Variants in EPAS1 observed in about 807,000 individuals in gnomAD.
EPAS1 encodes the protein endothelial PAS domain-containing protein 1.
EPAS1 carries 23 observed loss-of-function variants against 87.9 expected under a neutral mutation model. The observed-to-expected ratio is 0.26, with a 90% CI of 0.19 to 0.37. The LOEUF (loss-of-function observed/expected upper bound fraction) is 0.37. Ranked by LOEUF, EPAS1 falls within the 10% of genes least tolerant of loss-of-function variation. The probability of loss-of-function intolerance (pLI) is 1.00; values close to 1 mark genes in which losing one functional copy is unlikely to be tolerated. For missense variants in EPAS1, 1,138 were observed against 1,120.7 expected, an observed-to-expected ratio of 1.02 and a Z score of -0.22; for synonymous variants, 508 against 444.3, an observed-to-expected ratio of 1.14 and a Z score of -1.80.
At chr2:46,314,489 C>T (rs1403372245) in intron 1 of EPAS1, among the ~76,000 whole-genome samples, 1 of 152,210 alleles carries the variant, frequency 6.6e-6, no homozygotes, top group Non-Finnish European at 1.5e-5. Flanking sequence ...AGGAAAACGT[C>T]CTGTTTGTGT....
intron 6 of EPAS1, among the ~76,000 whole-genome samples, chr2:46,361,508 T>A (rs767731791): frequency 2.6e-5 from 4 of 152,186 alleles, no homozygotes; most frequent in Middle Eastern, 3.2e-3. Flanking sequence ...CCCTCTTCCA[T>A]TACTGACTGA....
chr2:46,368,092 G>A (rs1208095668), intron 6 of EPAS1, among the ~76,000 whole-genome samples: 2 of 152,198 alleles, frequency 1.3e-5, no homozygotes, highest in East Asian at 1.9e-4. Context: ...CTAAGCACCC[G>A]TTATAGAGGA....
chr2:46,306,121 T>C (rs1683105277), intron 1 of EPAS1, among the ~76,000 whole-genome samples: 1 of 152,218 alleles, frequency 6.6e-6, no homozygotes. Context: ...CATTAAAGTA[T>C]ATGATTATTT....
chr2:46,357,914 G>A (rs943011739), intron 4 of EPAS1, among the ~76,000 whole-genome samples: 2 of 152,240 alleles, frequency 1.3e-5, no homozygotes, highest in Middle Eastern at 6.3e-3. Flanking sequence ...ACATTGTTAA[G>A]AGGACTGAAG....
At chr2:46,303,522 A>G (rs934663190) in intron 1 of EPAS1, among the ~76,000 whole-genome samples, 9 of 152,208 alleles carry the variant, frequency 5.9e-5, no homozygotes, top group Admixed American at 5.2e-4. Context: ...GGCTCCACAG[A>G]CAACAGGGGT....
At chr2:46,317,751 G>C (rs1181721336) in intron 1 of EPAS1, among the ~76,000 whole-genome samples, 2 of 152,214 alleles carry the variant, frequency 1.3e-5, no homozygotes, top group Non-Finnish European at 2.9e-5. Context: ...AATCTGTTTA[G>C]TGTAGCCACC....
At chr2:46,331,320 A>G (rs1043374353) in intron 1 of EPAS1, among the ~76,000 whole-genome samples, 3 of 152,234 alleles carry the variant, frequency 2.0e-5, no homozygotes, top group African/African-American at 7.2e-5. Context: ...TGTAGTAGAC[A>G]CTCAGTAACT....
At chr2:46,361,980 C>T (rs1006402061) in intron 6 of EPAS1, among the ~76,000 whole-genome samples, 6 of 152,188 alleles carry the variant, frequency 3.9e-5, no homozygotes, top group African/African-American at 4.8e-5. Flanking sequence ...GAGCAATGGC[C>T]GGCCCCAGGG....
intron 1 of EPAS1, chr2:46,335,796 C>G (rs1436222224): frequency 6.6e-6 from 1 of 152,104 alleles, no homozygotes; most frequent in African/African-American, 2.4e-5. Flanking sequence ...TTCATCCTTT[C>G]TGCCGGCGGG....
In EPAS1 at chr2:46,356,248, T is replaced by C. The variant is rs746780991; in HGVS notation, c.315T>C (p.Asp105=). Residue 105 remains aspartate, a synonymous_variant, in exon 3 of 16, where the codon GAT becomes GAC. Transcript: ENST00000263734. ...LEGFIAVVTQ[D]GDMIFLSENI... ...GTTTCATTGCCGTGGTGACCCAAGATGGCGACATGATCTTTCTGTCAGAAA... is the reference window on the plus strand; with the variant it reads ...GTTTCATTGCCGTGGTGACCCAAGACGGCGACATGATCTTTCTGTCAGAAA... The C allele has an allele frequency of 1.2e-6, 2 of 1,612,422 alleles. No individual in the cohort carries two copies. Among genetic ancestry groups the C allele is most frequent in the East Asian group, 4.5e-5 (2 of 44,852 alleles).
chr2:46,353,552 G>C (rs898963524), intron 2 of EPAS1, among the ~76,000 whole-genome samples: 1 of 152,216 alleles, frequency 6.6e-6, no homozygotes, highest in Non-Finnish European at 1.5e-5. Context: ...CTGGCCTATA[G>C]ATGATTCTGA....
At chr2:46,298,176 C>G (rs1398952612) in intron 1 of EPAS1, among the ~76,000 whole-genome samples, 1 of 152,180 alleles carries the variant, frequency 6.6e-6, no homozygotes, top group Non-Finnish European at 1.5e-5. Flanking sequence ...ACGGCGAGGC[C>G]AGGAGGCCGA....
At chr2:46,321,544 T>TTTTTG (rs1383046405) in intron 1 of EPAS1, among the ~76,000 whole-genome samples, 1 of 152,242 alleles carries the variant, frequency 6.6e-6, no homozygotes, top group African/African-American at 2.4e-5. Context: ...TATTTTCTGT[T>TTTTTG]TTTTGTTTTG....
chr2:46,358,238 CA>C (rs1684309546), intron 4 of EPAS1, among the ~76,000 whole-genome samples: 1 of 152,222 alleles, frequency 6.6e-6, no homozygotes, highest in Non-Finnish European at 1.5e-5. Flanking sequence ...CCTCTTCTAC[CA>C]CTGCCACAGC....
At chr2:46,348,242 A>G (rs988337960) in intron 2 of EPAS1, among the ~76,000 whole-genome samples, 7 of 152,198 alleles carry the variant, frequency 4.6e-5, no homozygotes, top group African/African-American at 1.4e-4. Context: ...CAGGAGAGCC[A>G]AGGGGGAAGA....
rs1684626905 is a variant in EPAS1, at chr2:46,371,489, A to G, written c.886+1556A>G. 6.6e-6 allele frequency among the ~76,000 whole-genome samples: 1 copy of G among 152,142 alleles called. No individual in the cohort carries two copies. Among genetic ancestry groups the G allele is most frequent in the Non-Finnish European group, 1.5e-5 (1 of 68,034 alleles). On this transcript the variant is annotated intron_variant, in intron 7 of 15. Transcript: ENST00000263734. The surrounding 1 kb of genome is among the most constrained non-coding windows in gnomAD (Gnocchi z 4.3). Reference sequence around the variant, plus strand: ...AACACACACGCGCACACACAGACACACACACACAAACAACCTAGATTCAGC... The same window carrying G: ...AACACACACGCGCACACACAGACACGCACACACAAACAACCTAGATTCAGC...
chr2:46,319,088 A>C (rs77074427), intron 1 of EPAS1, among the ~76,000 whole-genome samples: 1,612 of 152,326 alleles, frequency 0.011, 21 homozygotes, highest in Middle Eastern at 0.027. Flanking sequence ...TCTTTTCTAT[A>C]TTTCTGACCA....
At chr2:46,357,293 C>T (rs1451184910) in intron 4 of EPAS1, among the ~76,000 whole-genome samples, 1 of 152,162 alleles carries the variant, frequency 6.6e-6, no homozygotes, top group African/African-American at 2.4e-5. Flanking sequence ...CTGCAGTCAT[C>T]TGGGGGCCAG....
intron 2 of EPAS1, among the ~76,000 whole-genome samples, chr2:46,352,448 AACTT>A (rs567858863): frequency 6.6e-6 from 1 of 152,238 alleles, no homozygotes; most frequent in Non-Finnish European, 1.5e-5. Context: ...ACACAGTAGA[AACTT>A]AATAATGGTG....
Sources: gnomAD v4.1 joint callset for allele counts (sites outside exome capture counted in the v4.1 genomes callset) on GRCh38, gnomAD v4.1.1 for gene constraint, Gnocchi (gnomAD v3.1) non-coding constraint, MANE v1.5 for transcripts, NCBI Gene and HGNC (gene_info 2026-07-23, HGNC 2026-07-21) for gene names.